The following ACTN1 variants were observed in gnomAD, a reference collection of about 807,000 sequenced individuals.
ACTN1 encodes actinin alpha 1.
ACTN1 carries 30 observed loss-of-function variants against 119.6 expected under a neutral mutation model. The ratio of observed to expected loss-of-function variants is 0.25; its 90% CI spans 0.19 to 0.34. The LOEUF is 0.34. Among genes scored for constraint, ACTN1 ranks in the 10% least tolerant of loss-of-function variants. ACTN1 has a pLI of 1.00. For missense variants in ACTN1, 764 were observed against 1,223.4 expected, an observed-to-expected ratio of 0.62 and a Z score of 5.60; for synonymous variants, 429 against 472.6, an observed-to-expected ratio of 0.91 and a Z score of 1.20.
At position 68,882,410 on chromosome 14, in the gene ACTN1, G is replaced by C. The variant is rs375444295; in HGVS notation, c.1953+48C>G. The C allele has an allele frequency of 1.2e-4, 200 of 1,603,460 alleles. No homozygotes were observed. The highest frequency in any genetic ancestry group is 1.6e-4 in the Non-Finnish European group (185 of 1,174,042). On this transcript the variant is annotated intron_variant, in intron 16 of 21. Coordinates refer to ENST00000394419, the MANE Select transcript of ACTN1 (RefSeq NM_001130004.2). The surrounding 1 kb of genome is among the most constrained non-coding windows in gnomAD (Gnocchi z 4.5). Reference sequence around the variant, plus strand: ...AGCCTGGCTGGCTAGGATAGTGTCGGGGGGGAGGGGTGGGAGCCCCAGCAC... The same window carrying C: ...AGCCTGGCTGGCTAGGATAGTGTCGCGGGGGAGGGGTGGGAGCCCCAGCAC...
chr14:68,881,955 T>TTTTTTTTTTTTTTTTTTTTGA lies in ACTN1; in HGVS notation c.1953+502_1953+503insTCAAAAAAAAAAAAAAAAAAA, dbSNP rs58500225. Among the ~76,000 whole-genome samples the TTTTTTTTTTTTTTTTTTTTGA allele has an allele frequency of 5.4e-4, 56 of 102,974 alleles. 10 individuals are homozygous for TTTTTTTTTTTTTTTTTTTTGA. The highest frequency in any genetic ancestry group is 2.0e-3 in the African/African-American group (46 of 22,900). The allele number at this position is 102,974 out of a possible 152,430, so 67.6% of individuals were successfully genotyped here. A position where few individuals can be genotyped will look rare whatever the true frequency, so the allele number is the denominator to read the frequency against. On this transcript the variant is annotated intron_variant, in intron 16 of 21. Coordinates refer to ENST00000394419, the MANE Select transcript of ACTN1 (RefSeq NM_001130004.2). Reference sequence around the variant, plus strand: ...CAGCTTCTTTTTTTTTTTTTTTTTTTGACAGAGTCTTGCTCTGTTGCCCAA... The same window carrying TTTTTTTTTTTTTTTTTTTTGA: ...CAGCTTCTTTTTTTTTTTTTTTTTTTTTTTTTTTTTTTTTTTTTTGAGACAGAGTCTTGCTCTGTTGCCCAA...
At chr14:68,913,565 C>A (rs1470199657) in intron 3 of ACTN1, among the ~76,000 whole-genome samples, 3 of 152,178 alleles carry the variant, frequency 2.0e-5, no homozygotes, top group Admixed American at 2.0e-4. Context: ...TAGCCCCTTT[C>A]CCAAAAGTGA....
At chr14:68,911,610 T>G (rs2034009822) in intron 4 of ACTN1, among the ~76,000 whole-genome samples, 1 of 152,266 alleles carries the variant, frequency 6.6e-6, no homozygotes, top group African/African-American at 2.4e-5. Context: ...AAAGTTTGTT[T>G]CAGTATGTGT....
chr14:68,890,854 G>A (rs2032425231), intron 10 of ACTN1, among the ~76,000 whole-genome samples: 1 of 152,156 alleles, frequency 6.6e-6, no homozygotes, highest in Non-Finnish European at 1.5e-5. Context: ...TTCAGACAGG[G>A]CCATGCCTCC....
intron 1 of ACTN1, among the ~76,000 whole-genome samples, chr14:68,951,790 C>G (rs10140112): frequency 6.6e-6 from 1 of 152,164 alleles, no homozygotes; most frequent in Admixed American, 6.5e-5. Flanking sequence ...AAGTGCAGCA[C>G]CAGTGTCCCC....
Position 68,885,351 on chromosome 14 carries a change from C to T in ACTN1, c.1385+74G>A. 3 of 1,521,434 alleles carry T rather than the reference C, an allele frequency of 2.0e-6. No individual in the cohort carries two copies. The highest frequency in any genetic ancestry group is 2.6e-6 in the Non-Finnish European group (3 of 1,133,224). 94.2% of individuals were successfully genotyped at this position (1,521,434 alleles called of 1,614,324 possible). ...CTCCCCATCTTCCACGGCCACACCC[C>T]CACCTCCCCCAGCAGCTGAGAAAGC... On this transcript the variant is annotated intron_variant, in intron 12 of 21. Coordinates refer to ENST00000394419, the MANE Select transcript of ACTN1 (RefSeq NM_001130004.2). The surrounding 1 kb of genome is among the most constrained non-coding windows in gnomAD (Gnocchi z 5.6).
In ACTN1 at chr14:68,875,139, T is replaced by C. The variant is rs751804758; in HGVS notation, c.2587-122A>G. The C allele has an allele frequency of 1.9e-6, 3 of 1,542,916 alleles. No individual in the cohort carries two copies. The African/African-American group carries it at 4.1e-5, about 21-fold the overall frequency. On this transcript the variant is annotated intron_variant, in intron 21 of 21. Transcript: ENST00000394419. ...ATGTGCCGTTTGCATTTTGCCTCCC[T>C]CCTGTAACTACAGGATGTACGGACG...
At chr14:68,904,980 G>A (rs2033577759) in intron 6 of ACTN1, among the ~76,000 whole-genome samples, 1 of 152,262 alleles carries the variant, frequency 6.6e-6, no homozygotes, top group Admixed American at 6.5e-5. Context: ...GGGCGAAGTA[G>A]TCTGCAGCCT....
At position 68,874,359 on chromosome 14, in the gene ACTN1, G is replaced by A. The variant is rs557756074; in HGVS notation, c.*500C>T. ...CTTTAATATCATAAAATATTTTCAT[G>A]GACAAGTGAGCTAGCAAACACACAT... is the stretch of plus-strand genomic sequence containing the variant. On this transcript the variant is annotated 3_prime_UTR_variant, in exon 22 of 22. Transcript: ENST00000394419. 1 of 152,650 alleles carries A rather than the reference G, an allele frequency of 6.6e-6. No homozygotes were observed. The highest frequency in any genetic ancestry group is 1.9e-4 in the East Asian group (1 of 5,334). The allele number at this position is 152,650 out of a possible 1,614,324, so 9.5% of individuals were successfully genotyped here. A position where few individuals can be genotyped will look rare whatever the true frequency, so the allele number is the denominator to read the frequency against.
intron 1 of ACTN1, among the ~76,000 whole-genome samples, chr14:68,970,420 T>C (rs1183796110): frequency 6.6e-6 from 1 of 152,226 alleles, no homozygotes; most frequent in Non-Finnish European, 1.5e-5. Context: ...ACCTCAAACG[T>C]TACGGGTTTC....
intron 1 of ACTN1, among the ~76,000 whole-genome samples, chr14:68,950,283 AGTT>A (rs1329101064): frequency 9.5e-6 from 1 of 105,326 alleles, no homozygotes. Flanking sequence ...TGACAGAGTG[AGTT>A]GTTGTCTCAA....
At chr14:68,923,635 C>A (rs572765394) in intron 2 of ACTN1, among the ~76,000 whole-genome samples, 1 of 151,670 alleles carries the variant, frequency 6.6e-6, no homozygotes, top group Admixed American at 6.6e-5. Context: ...CATGGTGGAA[C>A]CCTATCTCAA....
At chr14:68,888,328 G>C (rs1266711842) in intron 11 of ACTN1, 1 of 285,030 alleles carries the variant, frequency 3.5e-6, no homozygotes, top group Non-Finnish European at 6.8e-6. Context: ...CCTGCTGGTG[G>C]CTGGCAAGGC....
Position 68,879,259 on chromosome 14 carries a change from G to A in ACTN1, c.2281-190C>T, listed in dbSNP as rs1468394524. ...GTTAGACACACCAACGAGGCTCCAG[G>A]GGGTGCCCTCCCCCCAGCACACGCA... On this transcript the variant is annotated intron_variant, in intron 18 of 21. Coordinates refer to ENST00000394419, the MANE Select transcript of ACTN1 (RefSeq NM_001130004.2). This position sits in a 1 kb window ranked among gnomAD's most constrained non-coding sequence, Gnocchi z 4.9. 6.6e-6 allele frequency among the ~76,000 whole-genome samples: 1 copy of A among 151,894 alleles called. No homozygotes were observed.
intron 1 of ACTN1, among the ~76,000 whole-genome samples, chr14:68,938,325 G>C (rs1402801873): frequency 1.3e-5 from 2 of 152,132 alleles, no homozygotes; most frequent in Non-Finnish European, 2.9e-5. Context: ...TGAGTGCTGG[G>C]GTCCTGGAGA....
intron 1 of ACTN1, among the ~76,000 whole-genome samples, chr14:68,927,448 A>T (rs10142141): frequency 0.1 from 15,903 of 152,262 alleles, 1,045 homozygotes; most frequent in African/African-American, 0.17. Context: ...ACTAAACAGC[A>T]AAAGTCCCTG....
chr14:68,927,273 C>T (rs1209413200), intron 1 of ACTN1, among the ~76,000 whole-genome samples: 1 of 152,212 alleles, frequency 6.6e-6, no homozygotes, highest in Non-Finnish European at 1.5e-5. Context: ...TAGCCACCTG[C>T]TCTGTCTGGG....
intron 1 of ACTN1, among the ~76,000 whole-genome samples, chr14:68,928,728 C>G (rs771311052): frequency 6.6e-5 from 10 of 152,180 alleles, no homozygotes; most frequent in Non-Finnish European, 1.3e-4. Flanking sequence ...GATGACAGGA[C>G]TAGCTCCCCC....
intron 1 of ACTN1, among the ~76,000 whole-genome samples, chr14:68,954,994 A>G (rs1452382410): frequency 6.6e-6 from 1 of 152,068 alleles, no homozygotes; most frequent in Non-Finnish European, 1.5e-5. Flanking sequence ...CTTCTCGTCA[A>G]CCTAGTCCAC....
Sources: allele counts gnomAD v4.1 joint callset (sites outside exome capture counted in the v4.1 genomes callset), GRCh38; gene constraint gnomAD v4.1.1; non-coding constraint Gnocchi (gnomAD v3.1); transcripts MANE v1.5; gene names NCBI Gene and HGNC (gene_info 2026-07-23, HGNC 2026-07-21).